Variants in TMEM74 observed in about 807,000 individuals in gnomAD.
TMEM74 encodes the protein transmembrane protein 74.
A neutral mutation model predicts 18.1 loss-of-function variants in TMEM74; 13 were observed. The ratio of observed to expected loss-of-function variants is 0.72; its 90% CI spans 0.47 to 1.14. The LOEUF is 1.14. Among genes scored for constraint, TMEM74 ranks in the 50% most tolerant of loss-of-function variants. The probability of loss-of-function intolerance (pLI) is 0.00; values close to 1 mark genes in which losing one functional copy is unlikely to be tolerated. For missense variants in TMEM74, 372 were observed against 375.9 expected, an observed-to-expected ratio of 0.99 and a Z score of 0.09; for synonymous variants, 159 against 146.6, an observed-to-expected ratio of 1.08 and a Z score of -0.61.
At position 108,717,559 on chromosome 8, in the gene TMEM74, A is replaced by C. The variant is rs142776964; in HGVS notation, n.120-62122T>G. ...GTATATTAGAGCTCATAAATGCTCC[A>C]GAGAGAAACAAAGGGTGACAGGCAG... On this transcript the variant is annotated intron_variant and non_coding_transcript_variant, in intron 1 of 3. Coordinates refer to the TMEM74 transcript ENST00000518838. Among the ~76,000 whole-genome samples, 304 of 152,326 alleles carry C rather than the reference A, an allele frequency of 2.0e-3. 2 individuals are homozygous for C. The highest frequency in any genetic ancestry group is 3.4e-3 in the Middle Eastern group (1 of 294).
At chr8:108,657,779 G>T (rs1406224811) in intron 1 of TMEM74, among the ~76,000 whole-genome samples, 9 of 143,106 alleles carry the variant, frequency 6.3e-5, no homozygotes, top group Admixed American at 5.0e-4. Context: ...GGAGGTGGAG[G>T]TTGCAGTGAG....
chr8:108,700,025 G>A (rs1032587508), intron 1 of TMEM74, among the ~76,000 whole-genome samples: 1 of 150,482 alleles, frequency 6.6e-6, no homozygotes, highest in Non-Finnish European at 1.5e-5. Flanking sequence ...CCTATATTTT[G>A]TGACAAAGAG....
intron 1 of TMEM74, among the ~76,000 whole-genome samples, chr8:108,681,095 G>A (rs915444552): frequency 6.6e-6 from 1 of 152,172 alleles, no homozygotes; most frequent in Non-Finnish European, 1.5e-5. Flanking sequence ...TACTGCCCAA[G>A]GTAATTTCTA....
chr8:108,697,580 G>A (rs894487537), intron 1 of TMEM74, among the ~76,000 whole-genome samples: 2 of 151,908 alleles, frequency 1.3e-5, no homozygotes, highest in Non-Finnish European at 1.5e-5. Context: ...ACCACACCTG[G>A]ATAATTTTTT....
chr8:108,751,761 A>G (rs927814380), intron 1 of TMEM74, among the ~76,000 whole-genome samples: 5 of 152,154 alleles, frequency 3.3e-5, no homozygotes, highest in African/African-American at 1.2e-4. Context: ...GACTAAAGGG[A>G]ATAAAATACT....
chr8:108,710,968 A>T (rs1175244125), intron 1 of TMEM74, among the ~76,000 whole-genome samples: 1 of 152,200 alleles, frequency 6.6e-6, no homozygotes, highest in East Asian at 1.9e-4. Context: ...GCGCTCTAAA[A>T]TCATTGAGTC....
intron 1 of TMEM74, among the ~76,000 whole-genome samples, chr8:108,740,386 C>A (rs1465900235): frequency 1.3e-5 from 2 of 152,138 alleles, no homozygotes; most frequent in African/African-American, 4.8e-5. Flanking sequence ...CACTTCTGTC[C>A]CGTTCTATGG....
At chr8:108,611,800 T>C (rs144516141) in intron 2 of TMEM74, among the ~76,000 whole-genome samples, 6 of 152,330 alleles carry the variant, frequency 3.9e-5, no homozygotes, top group Non-Finnish European at 7.4e-5. Flanking sequence ...GACTTATATG[T>C]ATTTTTTAAG....
chr8:108,715,505 A>C (rs745553192), intron 1 of TMEM74, among the ~76,000 whole-genome samples: 3 of 152,192 alleles, frequency 2.0e-5, no homozygotes, highest in Non-Finnish European at 4.4e-5. Context: ...TCATTTAAAA[A>C]AAACTGGAGA....
At chr8:108,744,141 G>C (rs554855222) in intron 1 of TMEM74, among the ~76,000 whole-genome samples, 2 of 152,130 alleles carry the variant, frequency 1.3e-5, no homozygotes, top group Non-Finnish European at 1.5e-5. Context: ...AACTACAAGA[G>C]CTTGCCGGGT....
intron 1 of TMEM74, among the ~76,000 whole-genome samples, chr8:108,718,893 TAA>T (rs1024310737): frequency 3.3e-5 from 5 of 151,918 alleles, no homozygotes; most frequent in Non-Finnish European, 7.4e-5. Context: ...AAAAAAGCAA[TAA>T]AGAGATAATG....
intron 1 of TMEM74, among the ~76,000 whole-genome samples, chr8:108,700,130 G>GGTGGGT (rs1554573598): frequency 7.0e-6 from 1 of 143,076 alleles, no homozygotes. Context: ...GGCCATAAAT[G>GGTGGGT]GTGTGTGTGT....
intron 1 of TMEM74, among the ~76,000 whole-genome samples, chr8:108,748,468 C>T (rs1201449633): frequency 6.6e-6 from 1 of 151,644 alleles, no homozygotes; most frequent in African/African-American, 2.4e-5. Flanking sequence ...GGATATTAGA[C>T]GTTTGTCACA....
chr8:108,732,286 T>C (rs557761298), intron 1 of TMEM74, among the ~76,000 whole-genome samples: 16 of 152,226 alleles, frequency 1.1e-4, no homozygotes, highest in Non-Finnish European at 1.5e-4. Flanking sequence ...ATTTGTTAAT[T>C]GGAAGATTCA....
At chr8:108,711,388 C>T (rs113638403) in intron 1 of TMEM74, among the ~76,000 whole-genome samples, 2 of 152,218 alleles carry the variant, frequency 1.3e-5, no homozygotes, top group African/African-American at 4.8e-5. Flanking sequence ...AAACACTCTC[C>T]CTGTCTTCTA....
rs146368233 is a variant in TMEM74 at position 108,686,817 on chromosome 8, C to T, written n.120-31380G>A. 5.5e-3 allele frequency among the ~76,000 whole-genome samples: 831 copies of T among 152,238 alleles called. 8 individuals carry two copies. Among genetic ancestry groups the T allele is most frequent in the African/African-American group, 0.018 (761 of 41,544 alleles). On this transcript the variant is annotated intron_variant and non_coding_transcript_variant, in intron 1 of 3. Coordinates refer to the TMEM74 transcript ENST00000518838. ...CAAAGCTCATGCTGCACATTTTTATCCTTATCAGACTCTAAGTGTTTATTA... is the reference window on the plus strand; with the variant it reads ...CAAAGCTCATGCTGCACATTTTTATTCTTATCAGACTCTAAGTGTTTATTA...
chr8:108,736,132 T>G (rs1813747642), intron 1 of TMEM74, among the ~76,000 whole-genome samples: 1 of 152,062 alleles, frequency 6.6e-6, no homozygotes, highest in East Asian at 1.9e-4. Context: ...TGTTTGTCTC[T>G]AAAAAAACTG....
intron 3 of TMEM74, among the ~76,000 whole-genome samples, chr8:108,608,449 G>C (rs1318786183): frequency 1.3e-5 from 2 of 152,140 alleles, no homozygotes; most frequent in Non-Finnish European, 2.9e-5. Context: ...CAGTAAGAGA[G>C]AGTATTCATC....
chr8:108,739,085 A>G (rs1333274899), intron 1 of TMEM74, among the ~76,000 whole-genome samples: 1 of 152,196 alleles, frequency 6.6e-6, no homozygotes, highest in Non-Finnish European at 1.5e-5. Flanking sequence ...AAGGCAAGAA[A>G]ATTGGGGGCC....
Sources: gnomAD v4.1 joint callset for allele counts (sites outside exome capture counted in the v4.1 genomes callset) on GRCh38, gnomAD v4.1.1 for gene constraint, MANE v1.5 for transcripts, NCBI Gene and HGNC (gene_info 2026-07-23, HGNC 2026-07-21) for gene names.